The following RERG variants were observed in gnomAD, a reference collection of about 807,000 sequenced individuals.
RERG encodes ras-related and estrogen-regulated growth inhibitor.
In RERG, 25 loss-of-function variants were observed where a neutral mutation model predicts 23.2. The observed-to-expected ratio is 1.08, with a 90% CI of 0.79 to 1.50. The LOEUF (loss-of-function observed/expected upper bound fraction) is 1.50. Among genes scored for constraint, RERG ranks in the 40% most tolerant of loss-of-function variants. The pLI is 0.00. For missense variants in RERG, 253 were observed against 250.1 expected, an observed-to-expected ratio of 1.01 and a Z score of -0.08; for synonymous variants, 81 against 89.1, an observed-to-expected ratio of 0.91 and a Z score of 0.51.
intron 2 of RERG, among the ~76,000 whole-genome samples, chr12:15,189,137 T>C (rs957616556): frequency 1.3e-5 from 2 of 152,210 alleles, no homozygotes; most frequent in African/African-American, 2.4e-5. Flanking sequence ...ACACATCATA[T>C]TGTTTTCTTA....
intron 2 of RERG, among the ~76,000 whole-genome samples, chr12:15,212,148 T>C (rs954271574): frequency 7.0e-6 from 1 of 143,766 alleles, no homozygotes. Context: ...CAAGCTCCGC[T>C]TCCCGGGTTC....
chr12:15,166,033 G>C (rs1565525835), intron 2 of RERG, among the ~76,000 whole-genome samples: 1 of 152,146 alleles, frequency 6.6e-6, no homozygotes, highest in Non-Finnish European at 1.5e-5. Context: ...ATCACTACTA[G>C]AGATAATTCA....
chr12:15,107,833 C>T lies in RERG; in HGVS notation c.*1277G>A, dbSNP rs1043516056. 2 of 152,530 alleles carry T rather than the reference C, an allele frequency of 1.3e-5. No individual in the cohort carries two copies. Among genetic ancestry groups the T allele is most frequent in the Admixed American group, 6.5e-5 (1 of 15,274 alleles). The allele number at this position is 152,530 out of a possible 1,614,324, so 9.4% of individuals were successfully genotyped here. A position where few individuals can be genotyped will look rare whatever the true frequency, so the allele number is the denominator to read the frequency against. Reference sequence around the variant, plus strand: ...TTATTATAGTCACATAAAATAAAGTCAGTTACATCAAGTTGTCCAAATGCA... The same window carrying T: ...TTATTATAGTCACATAAAATAAAGTTAGTTACATCAAGTTGTCCAAATGCA... On this transcript the variant is annotated 3_prime_UTR_variant, in exon 5 of 5. Coordinates refer to ENST00000256953, the MANE Select transcript of RERG (RefSeq NM_032918.3).
intron 4 of RERG, among the ~76,000 whole-genome samples, chr12:15,110,673 T>A (rs1233597845): frequency 1.3e-5 from 2 of 151,790 alleles, no homozygotes; most frequent in Non-Finnish European, 2.9e-5. Context: ...AGAGACGGGA[T>A]TTCACCATGT....
At chr12:15,111,734 A>G (rs1863621958) in intron 3 of RERG, among the ~76,000 whole-genome samples, 1 of 142,848 alleles carries the variant, frequency 7.0e-6, no homozygotes, top group African/African-American at 2.7e-5. Context: ...CACAGGCTGG[A>G]GTGCAGTGGT....
intron 2 of RERG, among the ~76,000 whole-genome samples, chr12:15,198,009 T>C (rs557752227): frequency 2.0e-5 from 3 of 152,278 alleles, no homozygotes; most frequent in East Asian, 1.9e-4. Context: ...AGGACTCATA[T>C]AAAGCAAAGA....
intron 3 of RERG, among the ~76,000 whole-genome samples, chr12:15,117,211 A>G (rs942581637): frequency 1.3e-5 from 2 of 149,914 alleles, no homozygotes; most frequent in Admixed American, 1.3e-4. Context: ...AGCAGCAGTT[A>G]GTTATGTTGA....
At chr12:15,137,890 GATGTATC>G (rs1591642975) in intron 2 of RERG, 1 of 445,768 alleles carries the variant, frequency 2.2e-6, no homozygotes, top group East Asian at 7.1e-5. Context: ...CAGTTTCTGA[GATGTATC>G]ATTCTCCTTC....
At chr12:15,126,128 C>CATATATATATATGTAT (rs1197182978) in intron 2 of RERG, among the ~76,000 whole-genome samples, 5 of 89,096 alleles carry the variant, frequency 5.6e-5, no homozygotes, top group African/African-American at 2.3e-4. Flanking sequence ...TTGTATATAC[C>CATATATATATATGTAT]ATATATATAT....
intron 3 of RERG, among the ~76,000 whole-genome samples, chr12:15,117,713 A>T (rs1421935062): frequency 3.3e-5 from 5 of 151,896 alleles, no homozygotes; most frequent in Admixed American, 6.6e-5. Flanking sequence ...ACACAGTCAC[A>T]GGCACACACA....
At chr12:15,128,926 G>T (rs985996074) in intron 2 of RERG, among the ~76,000 whole-genome samples, 2 of 152,100 alleles carry the variant, frequency 1.3e-5, no homozygotes. Flanking sequence ...TTCATACCTT[G>T]TTCCTGGGTC....
chr12:15,121,172 A>G (rs911600687), intron 2 of RERG, 53 bp from the exon 3 acceptor site: 1 of 1,398,360 alleles, frequency 7.2e-7, no homozygotes, highest in Non-Finnish European at 1.0e-6. Context: ...TTTGCTTAGC[A>G]CACCTATCTT....
At chr12:15,112,275 TA>T in intron 3 of RERG, 1 of 152,244 alleles carries the variant, frequency 6.6e-6, no homozygotes, top group Non-Finnish European at 1.5e-5. Flanking sequence ...CTAGGGGTAG[TA>T]AAAGGTGGTC....
At chr12:15,168,372 T>G (rs1185136028) in intron 2 of RERG, among the ~76,000 whole-genome samples, 4 of 152,212 alleles carry the variant, frequency 2.6e-5, no homozygotes, top group Non-Finnish European at 5.9e-5. Flanking sequence ...AAACGTTTAC[T>G]GGTTCCAGGA....
At chr12:15,187,676 G>A (rs1441514509) in intron 2 of RERG, among the ~76,000 whole-genome samples, 2 of 151,148 alleles carry the variant, frequency 1.3e-5, no homozygotes, top group African/African-American at 2.4e-5. Flanking sequence ...CTCCTGCCTC[G>A]GCCTCCCGAG....
chr12:15,164,807 T>G (rs1356921649), intron 2 of RERG, among the ~76,000 whole-genome samples: 1 of 152,202 alleles, frequency 6.6e-6, no homozygotes, highest in Non-Finnish European at 1.5e-5. Context: ...CAAAGGTGTA[T>G]GAGAATAAGA....
intron 2 of RERG, among the ~76,000 whole-genome samples, chr12:15,121,501 G>A (rs749339989): frequency 8.5e-5 from 13 of 152,168 alleles, no homozygotes; most frequent in Non-Finnish European, 1.9e-4. Flanking sequence ...GATAAGGATT[G>A]GCAAAGGCAA....
chr12:15,126,920 G>A (rs1351215587), intron 2 of RERG, among the ~76,000 whole-genome samples: 3 of 151,838 alleles, frequency 2.0e-5, no homozygotes, highest in African/African-American at 4.8e-5. Flanking sequence ...GAGTTTCACC[G>A]TGTTAGCCAG....
At chr12:15,214,689 T>G (rs1865416708) in intron 2 of RERG, among the ~76,000 whole-genome samples, 1 of 152,250 alleles carries the variant, frequency 6.6e-6, no homozygotes, top group Admixed American at 6.5e-5. Flanking sequence ...TTTTCAAAAT[T>G]GTTGCATATG....
Sources: gnomAD v4.1 joint callset for allele counts (sites outside exome capture counted in the v4.1 genomes callset) on GRCh38, gnomAD v4.1.1 for gene constraint, MANE v1.5 for transcripts, NCBI Gene and HGNC (gene_info 2026-07-23, HGNC 2026-07-21) for gene names.